Variants in POLR2F observed in about 807,000 individuals in gnomAD.
POLR2F encodes DNA-directed RNA polymerases I, II, and III subunit RPABC2.
Under a neutral mutation model 22.7 loss-of-function variants are expected in POLR2F, and 12 were observed. The observed-to-expected ratio is 0.53, with a 90% CI of 0.34 to 0.86. The LOEUF (loss-of-function observed/expected upper bound fraction) is 0.86. Ranked by LOEUF, POLR2F falls within the 40% of genes least tolerant of loss-of-function variation. The pLI is 0.02. For synonymous variants in POLR2F, 57 were observed against 66.0 expected (o/e 0.86, Z 0.66); for missense variants, 126 against 171.5 (o/e 0.73, Z 1.48).
At chr22:37,981,307 A>AC (rs1227165471), upstream of POLR2F, among the ~76,000 whole-genome samples, 3 of 152,012 alleles carry the variant, frequency 2.0e-5, no homozygotes, top group African/African-American at 4.8e-5. Context: ...GTCTCTCAGG[A>AC]CCCCCCTCCA....
chr22:38,036,939 TGTCAAAGGTCATACTC>T (rs1323116614), intron 5 of POLR2F, among the ~76,000 whole-genome samples: 2 of 152,312 alleles, frequency 1.3e-5, no homozygotes, highest in Admixed American at 1.3e-4. Context: ...TTCAGATCTT[TGTCAAAGGTCATACTC>T]TTGCAGGGGT....
In POLR2F at chr22:37,986,675, C is replaced by A; in HGVS notation, c.120+363C>A. 3.6e-6 allele frequency: 2 copies of A among 554,842 alleles called. No individual in the cohort carries two copies. Among genetic ancestry groups the A allele is most frequent in the Non-Finnish European group, 6.9e-6 (2 of 291,888 alleles). The allele number at this position is 554,842 out of a possible 1,614,324, so 34.4% of individuals were successfully genotyped here. A position where few individuals can be genotyped will look rare whatever the true frequency, so the allele number is the denominator to read the frequency against. On this transcript the variant is annotated intron_variant, in intron 1 of 2. Coordinates refer to the POLR2F transcript ENST00000333418. This position sits in a 1 kb window ranked among gnomAD's most constrained non-coding sequence, Gnocchi z 4.7. The stretch of plus-strand genomic sequence containing the variant: ...GGGCTGTGCTGGGCTTTTTGCTGAG[C>A]AGTGTTGGGTGAGGCAGGTGGGCCT...
intron 1 of POLR2F, among the ~76,000 whole-genome samples, chr22:37,995,095 G>A (rs1043115825): frequency 6.6e-6 from 1 of 152,204 alleles, no homozygotes; most frequent in African/African-American, 2.4e-5. Flanking sequence ...AGCTCCTGCT[G>A]TGTGATCTTG....
chr22:37,960,865 T>TC (rs1931610573), intron 3 of POLR2F, among the ~76,000 whole-genome samples: 1 of 149,236 alleles, frequency 6.7e-6, no homozygotes, highest in South Asian at 2.1e-4. Flanking sequence ...TTTTTTTTTT[T>TC]TGAGATGGAG....
At chr22:38,023,824 CACCACGCCTGGCTA>C (rs2084982228) in intron 1 of POLR2F, among the ~76,000 whole-genome samples, 1 of 150,258 alleles carries the variant, frequency 6.7e-6, no homozygotes, top group Non-Finnish European at 1.5e-5. Context: ...AGGTGCGCAC[CACCACGCCTGGCTA>C]ATTTTTTTTT....
chr22:37,964,450 G>T (rs1403127580), intron 3 of POLR2F, among the ~76,000 whole-genome samples: 2 of 152,126 alleles, frequency 1.3e-5, no homozygotes, highest in Non-Finnish European at 2.9e-5. Context: ...TGAGTGACAG[G>T]TTCAGAAGAT....
intron 1 of POLR2F, among the ~76,000 whole-genome samples, chr22:37,994,512 ATTAT>A (rs773283034): frequency 6.6e-6 from 1 of 151,514 alleles, no homozygotes; most frequent in Non-Finnish European, 1.5e-5. Context: ...ACGCCTGGCT[ATTAT>A]TTATTTATTT....
At chr22:37,956,054 C>G (rs1003314635) in intron 1 of POLR2F, among the ~76,000 whole-genome samples, 6 of 150,508 alleles carry the variant, frequency 4.0e-5, no homozygotes, top group Non-Finnish European at 8.8e-5. Flanking sequence ...TCTCTGCCCT[C>G]TTTGATTTTT....
chr22:37,977,997 C>T (rs779836065), intron 4 of POLR2F: 1 of 1,611,894 alleles, frequency 6.2e-7, no homozygotes, highest in South Asian at 1.1e-5. Flanking sequence ...CACCGGGGCA[C>T]TCCGCCTCGC....
chr22:38,016,037 C>T lies in POLR2F; in HGVS notation c.121-9832C>T, dbSNP rs2084912606. Among the ~76,000 whole-genome samples, 1 of 152,136 alleles carries T rather than the reference C, an allele frequency of 6.6e-6. No individual in the cohort carries two copies. The highest frequency in any genetic ancestry group is 1.5e-5 in the Non-Finnish European group (1 of 68,024). On this transcript the variant is annotated intron_variant, in intron 1 of 2. Transcript: ENST00000333418. The surrounding 1 kb of genome is among the most constrained non-coding windows in gnomAD (Gnocchi z 4.4). ...CGATGGTCTTCCCTACTCTCTAGCC[C>T]ACACCAGCAGTGTCAGGCCCACTGC...
chr22:37,977,608 C>T (rs1029208288), intron 4 of POLR2F, among the ~76,000 whole-genome samples: 2 of 152,124 alleles, frequency 1.3e-5, no homozygotes, highest in Non-Finnish European at 2.9e-5. Context: ...GTGTGAGCCA[C>T]CACACCCGGC....
intron 1 of POLR2F, among the ~76,000 whole-genome samples, chr22:37,994,214 G>T (rs1165588858): frequency 6.6e-6 from 1 of 152,174 alleles, no homozygotes; most frequent in Non-Finnish European, 1.5e-5. Context: ...CAGCCCTGGG[G>T]TGTGTTCACA....
downstream of POLR2F, chr22:37,971,307 T>C (rs116687401): frequency 5.4e-4 from 253 of 470,938 alleles, 1 homozygote; most frequent in African/African-American, 4.6e-3. Context: ...ATCTGGAAAA[T>C]TGAGATAACG....
At chr22:38,035,957 G>C (rs997495169) in intron 5 of POLR2F, among the ~76,000 whole-genome samples, 2 of 151,100 alleles carry the variant, frequency 1.3e-5, no homozygotes, top group Non-Finnish European at 2.9e-5. Flanking sequence ...GGTCAGAGGT[G>C]AGGCACTGAG....
intron 1 of POLR2F, chr22:37,987,094 T>G (rs911572451): frequency 4.2e-5 from 19 of 456,562 alleles, no homozygotes; most frequent in African/African-American, 3.6e-4. Flanking sequence ...AAGTGAGGGT[T>G]TGTCACCGTC....
chr22:37,991,444 T>A (rs569779716), intron 1 of POLR2F, among the ~76,000 whole-genome samples: 73 of 152,368 alleles, frequency 4.8e-4, no homozygotes, highest in East Asian at 9.6e-4. Context: ...AAATTTTTTT[T>A]AAACTGTTTA....
intron 1 of POLR2F, among the ~76,000 whole-genome samples, chr22:38,003,407 A>G (rs2084792359): frequency 6.6e-6 from 1 of 152,080 alleles, no homozygotes; most frequent in Non-Finnish European, 1.5e-5. Context: ...AGGTATTTTC[A>G]GTAAGGATGG....
At chr22:37,983,937 G>T, upstream of POLR2F, 1 of 509,538 alleles carries the variant, frequency 2.0e-6, no homozygotes, top group South Asian at 4.0e-5. This position sits in a 1 kb window ranked among gnomAD's most constrained non-coding sequence, Gnocchi z 9.5. Flanking sequence ...GACAGGACGT[G>T]GGCACAGCCC....
chr22:37,955,678 C>A (rs9610884), intron 1 of POLR2F, among the ~76,000 whole-genome samples: 32,610 of 151,840 alleles, frequency 0.21, 3,698 homozygotes, highest in South Asian at 0.32. Context: ...ACTTCTTCTT[C>A]TTATTATTAT....
Sources: allele counts gnomAD v4.1 joint callset (sites outside exome capture counted in the v4.1 genomes callset), GRCh38; gene constraint gnomAD v4.1.1; non-coding constraint Gnocchi (gnomAD v3.1); transcripts MANE v1.5; gene names NCBI Gene and HGNC (gene_info 2026-07-23, HGNC 2026-07-21).